MAP4K4: variants seen among roughly 807,000 people sequenced by gnomAD.
MAP4K4 encodes mitogen-activated protein kinase kinase kinase kinase 4, also known as HPK/GCK-like kinase HGK.
MAP4K4 carries 38 observed loss-of-function variants against 189.6 expected under a neutral mutation model. The ratio of observed to expected loss-of-function variants is 0.20; its 90% CI spans 0.15 to 0.26. MAP4K4 has a LOEUF of 0.26. Among genes scored for constraint, MAP4K4 ranks in the 10% least tolerant of loss-of-function variants. The pLI, the probability that MAP4K4 is intolerant of heterozygous loss-of-function variation, is 1.00. For synonymous variants in MAP4K4, 610 were observed against 624.3 expected (o/e 0.98, Z 0.34); for missense variants, 1,054 against 1,726.9 (o/e 0.61, Z 6.91).
At position 101,831,800 on chromosome 2, in the gene MAP4K4, T is replaced by A. The variant is rs746114078; in HGVS notation, c.588T>A (p.Ala196=). ...TCATAGGCACTCCCTACTGGATGGC[T>A]CCTGAGGTCATCGCCTGTGATGAGA... The change falls in exon 7 of 33, where the codon GCT becomes GCA. Residue 196 remains alanine, a synonymous_variant. Coordinates refer to ENST00000324219, the Ensembl canonical transcript of MAP4K4. 22 of 1,612,060 alleles carry A rather than the reference T, an allele frequency of 1.4e-5. No individual in the cohort carries two copies. In the Admixed American group the frequency reaches 2.3e-4, roughly 17 times the overall value.
chr2:101,703,317 T>A (rs2040095433), intron 2 of MAP4K4, among the ~76,000 whole-genome samples: 1 of 152,066 alleles, frequency 6.6e-6, no homozygotes. Flanking sequence ...TATGTCCCTT[T>A]AAGTGGGTAC....
chr2:101,844,188 T>G, exon 12 of MAP4K4: 2 of 1,610,618 alleles, frequency 1.2e-6, no homozygotes, highest in Non-Finnish European at 1.7e-6. Context: ...CCGAGGCTCT[T>G]CGGAGACAAC....
chr2:101,739,065 C>T (rs1251035464), intron 2 of MAP4K4, among the ~76,000 whole-genome samples: 1 of 152,132 alleles, frequency 6.6e-6, no homozygotes, highest in African/African-American at 2.4e-5. Flanking sequence ...TACTGTTACA[C>T]ATAATATCTA....
intron 2 of MAP4K4, among the ~76,000 whole-genome samples, chr2:101,787,374 A>G (rs1310345259): frequency 2.6e-5 from 4 of 152,220 alleles, no homozygotes; most frequent in Non-Finnish European, 4.4e-5. Flanking sequence ...AGTTCCCAGC[A>G]TAATGCAGTC....
At chr2:101,720,155 T>A (rs2050915508) in intron 2 of MAP4K4, among the ~76,000 whole-genome samples, 1 of 150,818 alleles carries the variant, frequency 6.6e-6, no homozygotes, top group South Asian at 2.1e-4. Flanking sequence ...GTTTGTGTTT[T>A]TTGGGGCAGT....
intron 3 of MAP4K4, among the ~76,000 whole-genome samples, chr2:101,795,778 A>T (rs2093621849): frequency 6.6e-6 from 1 of 152,116 alleles, no homozygotes; most frequent in Non-Finnish European, 1.5e-5. Context: ...GAATTTCTTA[A>T]TTTCTTGTGT....
At chr2:101,843,012 G>C (rs1337965935) in intron 11 of MAP4K4, among the ~76,000 whole-genome samples, 1 of 152,160 alleles carries the variant, frequency 6.6e-6, no homozygotes, top group Admixed American at 6.5e-5. Context: ...ACCATTTCTT[G>C]TGGTATATAG....
chr2:101,819,577 A>G (rs774051388), intron 3 of MAP4K4, among the ~76,000 whole-genome samples: 5 of 152,200 alleles, frequency 3.3e-5, no homozygotes, highest in Non-Finnish European at 5.9e-5. Flanking sequence ...ACTTTATCCT[A>G]AAACAGTAAT....
chr2:101,740,151 C>CTTTTTT lies in MAP4K4; in HGVS notation c.123+41628_123+41633dup, dbSNP rs71250687. On this transcript the variant is annotated intron_variant, in intron 2 of 32. Coordinates refer to ENST00000324219, the Ensembl canonical transcript of MAP4K4. ...TGGCTTCAAAGTTGCTTTATATCAT[C>CTTTTTT]TTTTTTTTTTTTTTTTTTTTGAGAC... 8.1e-4 allele frequency among the ~76,000 whole-genome samples: 71 copies of CTTTTTT among 87,182 alleles called. 2 individuals carry two copies. Among genetic ancestry groups the CTTTTTT allele is most frequent in the East Asian group, 1.5e-3 (5 of 3,230 alleles). The allele number at this position is 87,182 out of a possible 152,430, so 57.2% of individuals were successfully genotyped here. A position where few individuals can be genotyped will look rare whatever the true frequency, so the allele number is the denominator to read the frequency against.
rs560774991 is a variant in MAP4K4, at chr2:101,797,945, AGTGCACAAGTCTAGCT to A, written c.180+7184_180+7199del. ...GGTCTTACTCTGTTGCCCAAGCTAG[AGTGCACAAGTCTAGCT>A]GTGCACAAGTCTAGAGTGCACGAGT... On this transcript the variant is annotated intron_variant, in intron 3 of 32. Transcript: ENST00000324219. 3.7e-3 allele frequency among the ~76,000 whole-genome samples: 421 copies of A among 114,718 alleles called. 1 individual carries two copies. Among genetic ancestry groups the A allele is most frequent in the African/African-American group, 0.013 (370 of 28,956 alleles). The allele number at this position is 114,718 out of a possible 152,430, so 75.3% of individuals were successfully genotyped here.
At chr2:101,700,184 A>C (rs1001841387) in intron 2 of MAP4K4, among the ~76,000 whole-genome samples, 28 of 152,246 alleles carry the variant, frequency 1.8e-4, no homozygotes, top group African/African-American at 5.8e-4. Flanking sequence ...TATAGTCTTT[A>C]AACCTTAAGA....
intron 12 of MAP4K4, 103 bp downstream of exon 12, chr2:101,844,414 A>T: frequency 1.1e-6 from 1 of 903,214 alleles, no homozygotes; most frequent in Non-Finnish European, 1.7e-6. Context: ...TCCTGGGGTA[A>T]TACTTATCCC....
At chr2:101,813,963 T>C (rs180892253) in intron 3 of MAP4K4, among the ~76,000 whole-genome samples, 1 of 152,330 alleles carries the variant, frequency 6.6e-6, no homozygotes, top group Admixed American at 6.5e-5. Context: ...TTTGATATCT[T>C]TCTAAGAAGT....
At chr2:101,882,152 C>A (rs1013939198) in intron 27 of MAP4K4, among the ~76,000 whole-genome samples, 2 of 152,196 alleles carry the variant, frequency 1.3e-5, no homozygotes, top group Admixed American at 6.5e-5. Context: ...CCACATCTTG[C>A]CTACCTTTGA....
rs1004276437 is a variant in MAP4K4 at position 101,770,342 on chromosome 2, G to C, written c.124-20378G>C. Among the ~76,000 whole-genome samples, 45 of 145,884 alleles carry C rather than the reference G, an allele frequency of 3.1e-4. 1 individual carries two copies. On this transcript the variant is annotated intron_variant, in intron 2 of 32. Coordinates refer to ENST00000324219, the Ensembl canonical transcript of MAP4K4. ...TGGCTCACTGCAGTCTCTGCCTCCC[G>C]AGTTCAAGTGATTCTCCTGCCTCAG...
At chr2:101,878,518 A>G (rs540740766) in intron 27 of MAP4K4, among the ~76,000 whole-genome samples, 1 of 152,180 alleles carries the variant, frequency 6.6e-6, no homozygotes, top group Non-Finnish European at 1.5e-5. Flanking sequence ...TTCCTTGCAT[A>G]GATGTATTAA....
chr2:101,733,946 C>T (rs2059447867), intron 2 of MAP4K4, among the ~76,000 whole-genome samples: 1 of 152,218 alleles, frequency 6.6e-6, no homozygotes, highest in Non-Finnish European at 1.5e-5. Context: ...CACAGCAGTC[C>T]TGACCTCAGA....
At chr2:101,866,518 A>G (rs1234327983) in exon 19 of MAP4K4, 1 of 1,613,660 alleles carries the variant, frequency 6.2e-7, no homozygotes. Flanking sequence ...GCAACTCAGG[A>G]TCCCAGCCCG....
intron 12 of MAP4K4, among the ~76,000 whole-genome samples, chr2:101,848,596 C>A (rs1203682458): frequency 6.6e-6 from 1 of 152,190 alleles, no homozygotes; most frequent in Non-Finnish European, 1.5e-5. Flanking sequence ...TGCCACAAAA[C>A]CAGGCCCACT....
Sources: gnomAD v4.1 joint callset for allele counts (sites outside exome capture counted in the v4.1 genomes callset) on GRCh38, gnomAD v4.1.1 for gene constraint, MANE v1.5 for transcripts, NCBI Gene and HGNC (gene_info 2026-07-23, HGNC 2026-07-21) for gene names.